Variants in PCDHA9 observed in about 807,000 individuals in gnomAD.
The protein encoded by PCDHA9 is protocadherin alpha 9, also known as protocadherin alpha-9.
PCDHA9 carries 62 observed loss-of-function variants against 62.0 expected under a neutral mutation model. That is an observed-to-expected ratio of 1.00 (90% CI 0.81 to 1.23). The LOEUF (loss-of-function observed/expected upper bound fraction) is 1.23, where lower values mean the gene tolerates loss of function less well. PCDHA9 is among the 50% of genes most tolerant of loss of function. The pLI is 0.00. For missense variants in PCDHA9, 1,205 were observed against 1,249.8 expected (o/e 0.96, Z 0.54); for synonymous variants, 557 against 567.6 (o/e 0.98, Z 0.27).
chr5:140,999,217 A>G (rs2097851437), intron 3 of PCDHA9, among the ~76,000 whole-genome samples: 1 of 152,232 alleles, frequency 6.6e-6, no homozygotes, highest in Non-Finnish European at 1.5e-5. Context: ...TGGAAGTACT[A>G]CATTTGAGAA....
chr5:140,968,029 G>A, intron 1 of PCDHA9: 1 of 1,614,170 alleles, frequency 6.2e-7, no homozygotes, highest in Non-Finnish European at 8.5e-7. Context: ...CCTATACACT[G>A]GTGGTGAGCG....
At chr5:140,927,905 C>T in intron 1 of PCDHA9, 3 of 1,614,210 alleles carry the variant, frequency 1.9e-6, no homozygotes, top group Non-Finnish European at 2.5e-6. Context: ...GATCATGCCC[C>T]CGAACTGGAC....
chr5:140,881,538 C>A (rs879991805), intron 1 of PCDHA9, among the ~76,000 whole-genome samples: 1 of 152,196 alleles, frequency 6.6e-6, no homozygotes, highest in Middle Eastern at 3.2e-3. Flanking sequence ...TGACTGAACA[C>A]TTTCTTTTGA....
intron 1 of PCDHA9, among the ~76,000 whole-genome samples, chr5:140,919,088 T>C (rs2153552205): frequency 6.6e-6 from 1 of 152,378 alleles, no homozygotes; most frequent in South Asian, 2.1e-4. Context: ...TATTGAATTG[T>C]CTATTTCTCC....
In PCDHA9 at chr5:140,891,823, C is replaced by T. The variant is rs186209593; in HGVS notation, c.2394+40934C>T. On this transcript the variant is annotated intron_variant, in intron 1 of 3. Transcript: ENST00000532602. ...TGCCCTCATGAATAAATTAACGGCACTGTAAAAGGACTTGATGGAAGGAGC... is the reference window on the plus strand; with the variant it reads ...TGCCCTCATGAATAAATTAACGGCATTGTAAAAGGACTTGATGGAAGGAGC... Among the ~76,000 whole-genome samples, 1,217 of 152,254 alleles carry T rather than the reference C, an allele frequency of 8.0e-3. 6 individuals carry two copies. The highest frequency in any genetic ancestry group is 0.019 in the African/African-American group (784 of 41,536).
At chr5:140,868,397 GATATGAA>G (rs1182982921) in intron 1 of PCDHA9, 2 of 152,062 alleles carry the variant, frequency 1.3e-5, no homozygotes, top group African/African-American at 2.4e-5. Flanking sequence ...ATAGAAAATA[GATATGAA>G]AATGCAAGCC....
At chr5:140,853,560 A>G in intron 1 of PCDHA9, 1 of 981,448 alleles carries the variant, frequency 1.0e-6, no homozygotes, top group Non-Finnish European at 1.2e-6. Flanking sequence ...ATATAGGAAA[A>G]ACTAAGTTGT....
chr5:140,928,930 C>T, intron 1 of PCDHA9: 1 of 1,614,108 alleles, frequency 6.2e-7, no homozygotes, highest in Non-Finnish European at 8.5e-7. Context: ...GCTTTCTGCC[C>T]AGAACTTGTA....
intron 1 of PCDHA9, chr5:140,967,709 G>T: frequency 6.2e-7 from 1 of 1,614,140 alleles, no homozygotes; most frequent in Non-Finnish European, 8.5e-7. Context: ...TGCCAGTACC[G>T]GGGAAGTGCG....
At chr5:140,852,257 T>G (rs1417638818) in intron 1 of PCDHA9, 1 of 512,112 alleles carries the variant, frequency 2.0e-6, no homozygotes, top group Non-Finnish European at 2.6e-6. Context: ...TTTTGGAATA[T>G]GCTACAATAT....
chr5:141,006,356 C>T (rs1342790572), intron 3 of PCDHA9, among the ~76,000 whole-genome samples: 4 of 151,920 alleles, frequency 2.6e-5, no homozygotes, highest in South Asian at 2.1e-4. Flanking sequence ...GGACTATAGG[C>T]GCCCACCACC....
chr5:141,001,749 T>C (rs1554258292), intron 3 of PCDHA9, among the ~76,000 whole-genome samples: 1 of 152,090 alleles, frequency 6.6e-6, no homozygotes, highest in African/African-American at 2.4e-5. Flanking sequence ...GCTGTTTCAG[T>C]GGTTGATGGC....
Position 140,850,218 on chromosome 5 carries a change from G to T in PCDHA9, c.1723G>T (p.Gly575Cys). The T allele has an allele frequency of 6.3e-7, 1 of 1,593,686 alleles. No homozygotes were observed. ...GACACCTCGGATGAGGGGCACTGACGGCGCAGTGAGCGAGATGGTGCTGCG... is the reference window on the plus strand; with the variant it reads ...GACACCTCGGATGAGGGGCACTGACTGCGCAGTGAGCGAGATGGTGCTGCG... ...LLTPRMRGTD[G>C]AVSEMVLRSV... The change falls in exon 1 of 4, where the codon GGC becomes TGC. Residue 575 changes from glycine (G) to cysteine (C), a missense_variant. Coordinates refer to ENST00000532602, the MANE Select transcript of PCDHA9 (RefSeq NM_031857.2).
intron 1 of PCDHA9, among the ~76,000 whole-genome samples, chr5:140,893,950 T>A (rs1244558882): frequency 6.6e-6 from 1 of 152,206 alleles, no homozygotes; most frequent in Non-Finnish European, 1.5e-5. Flanking sequence ...TCTGCATGAC[T>A]TTATTAGTCA....
At chr5:140,900,626 T>C (rs958637463) in intron 1 of PCDHA9, among the ~76,000 whole-genome samples, 6 of 152,230 alleles carry the variant, frequency 3.9e-5, no homozygotes, top group Non-Finnish European at 7.3e-5. Flanking sequence ...TGCTTCCAAA[T>C]CTTGGCTATT....
At chr5:140,883,570 G>T (rs1554178743) in intron 1 of PCDHA9, 1 of 1,614,098 alleles carries the variant, frequency 6.2e-7, no homozygotes, top group South Asian at 1.1e-5. Context: ...GCTCGCCTTC[G>T]CTGTGGGCCA....
At chr5:140,900,559 G>T (rs542075943) in intron 1 of PCDHA9, among the ~76,000 whole-genome samples, 1 of 152,196 alleles carries the variant, frequency 6.6e-6, no homozygotes, top group Admixed American at 6.5e-5. Context: ...TTACAGGCGT[G>T]AGCCACGGCA....
intron 3 of PCDHA9, among the ~76,000 whole-genome samples, chr5:140,992,501 A>G (rs1437736734): frequency 6.6e-6 from 1 of 152,206 alleles, no homozygotes. Context: ...TAAGGATTCA[A>G]TCCTGGGGCA....
At chr5:140,928,977 T>C in intron 1 of PCDHA9, 1 of 1,613,888 alleles carries the variant, frequency 6.2e-7, no homozygotes, top group Non-Finnish European at 8.5e-7. Context: ...CCTTTTTATT[T>C]CTGGGGTGCT....
Sources: gnomAD v4.1 joint callset for allele counts (sites outside exome capture counted in the v4.1 genomes callset) on GRCh38, gnomAD v4.1.1 for gene constraint, MANE v1.5 for transcripts, NCBI Gene and HGNC (gene_info 2026-07-23, HGNC 2026-07-21) for gene names.